The following DHRS7C variants were observed in gnomAD, a reference collection of about 807,000 sequenced individuals.
DHRS7C encodes dehydrogenase/reductase 7C.
DHRS7C carries 28 observed loss-of-function variants against 29.6 expected under a neutral mutation model. That is an observed-to-expected ratio of 0.95 (90% CI 0.70 to 1.30). The LOEUF (loss-of-function observed/expected upper bound fraction) is 1.30. DHRS7C is among the 50% of genes most tolerant of loss of function. The pLI, the probability that DHRS7C is intolerant of heterozygous loss-of-function variation, is 0.00. For missense variants in DHRS7C, 403 were observed against 393.3 expected (o/e 1.02, Z -0.21); for synonymous variants, 158 against 160.2 (o/e 0.99, Z 0.10).
chr17:9,779,757 C>A (rs570768868), intron 3 of DHRS7C, 68 bp downstream of exon 3: 4 of 1,482,762 alleles, frequency 2.7e-6, no homozygotes, highest in African/African-American at 2.8e-5. Flanking sequence ...GACTGTCTGG[C>A]TAATTAACAG....
At position 9,791,302 on chromosome 17, in the gene DHRS7C, C is replaced by T. The variant is rs942034460; in HGVS notation, c.-18G>A. On this transcript the variant is annotated 5_prime_UTR_variant, in exon 1 of 6. Transcript: ENST00000571134. The stretch of plus-strand genomic sequence containing the variant: ...ACTCCCATCTTGTTCTGGGGGACAA[C>T]GGAGTAAAAGGGGATTGGCTTTGCA... The T allele has an allele frequency of 1.1e-5, 18 of 1,612,330 alleles. No individual in the cohort carries two copies. Among genetic ancestry groups the T allele is most frequent in the Middle Eastern group, 1.6e-4 (1 of 6,076 alleles).
chr17:9,781,687 A>ACTCAGAAG, intron 1 of DHRS7C, 93 bp from the exon 2 acceptor site: 1 of 1,277,130 alleles, frequency 7.8e-7, no homozygotes, highest in Non-Finnish European at 1.1e-6. Context: ...AATTCAAAAA[A>ACTCAGAAG]CTCAGAAGTC....
At chr17:9,776,928 G>A (rs1645426951) in intron 4 of DHRS7C, among the ~76,000 whole-genome samples, 1 of 152,134 alleles carries the variant, frequency 6.6e-6, no homozygotes, top group South Asian at 2.1e-4. Flanking sequence ...GGTTCACCTA[G>A]TGCATGTCCT....
At position 9,776,408 on chromosome 17, in the gene DHRS7C, G is replaced by A. The variant is rs189346433; in HGVS notation, c.571+785C>T. 7.9e-5 allele frequency among the ~76,000 whole-genome samples: 12 copies of A among 152,320 alleles called. No individual in the cohort carries two copies. The East Asian group carries it at 1.7e-3, about 22-fold the overall frequency. On this transcript the variant is annotated intron_variant, in intron 4 of 5. Coordinates refer to ENST00000571134, the MANE Select transcript of DHRS7C (RefSeq NM_001105571.3). ...GAATAAAAAAACAAATTTCTGTTGTGTAAGCCCCAGACTTGGTATTTTGTT... is the reference window on the plus strand; with the variant it reads ...GAATAAAAAAACAAATTTCTGTTGTATAAGCCCCAGACTTGGTATTTTGTT...
chr17:9,787,571 C>T (rs999003844), intron 1 of DHRS7C, among the ~76,000 whole-genome samples: 4 of 152,184 alleles, frequency 2.6e-5, no homozygotes, highest in Admixed American at 6.5e-5. Context: ...TATCTCGCAT[C>T]GAGCACTTTG....
rs1006533417 is a variant in DHRS7C at position 9,775,939 on chromosome 17, C to T, written c.571+1254G>A. On this transcript the variant is annotated intron_variant, in intron 4 of 5. Coordinates refer to ENST00000571134, the MANE Select transcript of DHRS7C (RefSeq NM_001105571.3). The surrounding 1 kb of genome is among the most constrained non-coding windows in gnomAD (Gnocchi z 4.2). Reference sequence around the variant, plus strand: ...ATTTGGGGCCGGGCATGGTGGCTCACGCCTGTAATCCCAGCACTTTGGGAG... The same window carrying T: ...ATTTGGGGCCGGGCATGGTGGCTCATGCCTGTAATCCCAGCACTTTGGGAG... 1.3e-5 allele frequency among the ~76,000 whole-genome samples: 2 copies of T among 152,208 alleles called. No homozygotes were observed. Among genetic ancestry groups the T allele is most frequent in the South Asian group, 2.1e-4 (1 of 4,832 alleles).
At chr17:9,771,731 C>A in intron 5 of DHRS7C, 35 bp from the exon 6 acceptor site, 1 of 1,391,168 alleles carries the variant, frequency 7.2e-7, no homozygotes, top group Admixed American at 3.0e-5. Context: ...GGGTTATGAC[C>A]TCCGTGGGGA....
chr17:9,777,983 G>A (rs970142647), intron 3 of DHRS7C, among the ~76,000 whole-genome samples: 5 of 152,084 alleles, frequency 3.3e-5, no homozygotes, highest in South Asian at 2.1e-4. Flanking sequence ...TTCAGAGAAA[G>A]GTATTAAATT....
intron 4 of DHRS7C, 71 bp from the exon 5 acceptor site, chr17:9,772,993 G>A: frequency 6.4e-7 from 1 of 1,565,542 alleles, no homozygotes; most frequent in South Asian, 1.1e-5. Flanking sequence ...CGCATTGGAG[G>A]CAGGAGGGCC....
intron 1 of DHRS7C, among the ~76,000 whole-genome samples, chr17:9,787,547 A>T (rs894770697): frequency 1.3e-5 from 2 of 151,992 alleles, no homozygotes; most frequent in African/African-American, 4.8e-5. Flanking sequence ...CTATTCTTTT[A>T]TCAGCTCAGC....
chr17:9,786,388 C>A (rs1377315146), intron 1 of DHRS7C, among the ~76,000 whole-genome samples: 1 of 145,164 alleles, frequency 6.9e-6, no homozygotes, highest in South Asian at 2.2e-4. Flanking sequence ...AGTCAGGAAC[C>A]GCCTGATTTT....
chr17:9,782,808 T>C (rs1738185194), intron 1 of DHRS7C: 1 of 152,308 alleles, frequency 6.6e-6, no homozygotes. Flanking sequence ...GGACTCAGAC[T>C]GGCTGGGAAC....
rs1320486098 is a variant in DHRS7C, at chr17:9,771,650, C to G, written c.774G>C (p.Ala258=). The change falls in exon 6 of 6, where the codon GCG becomes GCC. Residue 258 remains alanine (A), a synonymous_variant. Transcript: ENST00000571134. ...TCCGCACGGTGCGCATCACCTCCTC[C>G]GCCACCTCTACTGGGTGCACGCCGT... ...LTYGVHPVEV[A]EEVMRTVRRK... is the part of the protein sequence containing the mutation. The G allele has an allele frequency of 1.9e-6, 3 of 1,586,476 alleles. No individual in the cohort carries two copies. The highest frequency in any genetic ancestry group is 2.6e-6 in the Non-Finnish European group (3 of 1,164,572).
At chr17:9,780,448 A>C (rs1007599562) in intron 2 of DHRS7C, among the ~76,000 whole-genome samples, 1 of 152,144 alleles carries the variant, frequency 6.6e-6, no homozygotes, top group African/African-American at 2.4e-5. Flanking sequence ...AAAATCTATC[A>C]CAGTACTTAA....
At chr17:9,786,220 C>T (rs950007152) in intron 1 of DHRS7C, among the ~76,000 whole-genome samples, 3 of 151,554 alleles carry the variant, frequency 2.0e-5, no homozygotes, top group Admixed American at 6.6e-5. Flanking sequence ...CCAGCTACTC[C>T]GGAGGCTGAG....
At chr17:9,773,226 C>T (rs2066341990) in intron 4 of DHRS7C, among the ~76,000 whole-genome samples, 1 of 152,104 alleles carries the variant, frequency 6.6e-6, no homozygotes, top group South Asian at 2.1e-4. Context: ...TTTCCCTTGG[C>T]AAATTACTGT....
rs923997973 is a variant in DHRS7C, at chr17:9,776,351, C to A, written c.571+842G>T. Among the ~76,000 whole-genome samples, 26 of 152,196 alleles carry A rather than the reference C, an allele frequency of 1.7e-4. 1 individual carries two copies. Among genetic ancestry groups the A allele is most frequent in the African/African-American group, 6.0e-4 (25 of 41,448 alleles). On this transcript the variant is annotated intron_variant, in intron 4 of 5. Transcript: ENST00000571134. The stretch of plus-strand genomic sequence containing the variant: ...AGGGTCCCAGAGGAAACCAGCCCTG[C>A]CGACACTTTGATCATGGACTTCCAG...
At chr17:9,789,788 T>C (rs1474185507) in intron 1 of DHRS7C, among the ~76,000 whole-genome samples, 3 of 152,274 alleles carry the variant, frequency 2.0e-5, no homozygotes, top group South Asian at 2.1e-4. Flanking sequence ...GGGCATCTCT[T>C]TTCCAGCTCT....
intron 1 of DHRS7C, among the ~76,000 whole-genome samples, chr17:9,789,095 A>C (rs2066440308): frequency 6.6e-6 from 1 of 152,202 alleles, no homozygotes; most frequent in Admixed American, 6.5e-5. Flanking sequence ...CACATCTCTC[A>C]ACGATCAGTA....
Sources: allele counts gnomAD v4.1 joint callset (sites outside exome capture counted in the v4.1 genomes callset), GRCh38; gene constraint gnomAD v4.1.1; non-coding constraint Gnocchi (gnomAD v3.1); transcripts MANE v1.5; gene names NCBI Gene and HGNC (gene_info 2026-07-23, HGNC 2026-07-21).